The following SPECC1L variants were observed in gnomAD, a reference collection of about 807,000 sequenced individuals.
SPECC1L encodes sperm antigen with calponin homology and coiled-coil domains 1 like.
A neutral mutation model predicts 116.8 loss-of-function variants in SPECC1L; 40 were observed. The ratio of observed to expected loss-of-function variants is 0.34; its 90% CI spans 0.27 to 0.45. The LOEUF (loss-of-function observed/expected upper bound fraction) is 0.45. SPECC1L is among the 20% of genes least tolerant of loss of function. The probability of loss-of-function intolerance (pLI) is 1.00; values close to 1 mark genes in which losing one functional copy is unlikely to be tolerated. For missense variants in SPECC1L, 1,110 were observed against 1,373.6 expected (o/e 0.81, Z 3.03); for synonymous variants, 504 against 500.6 (o/e 1.01, Z -0.09).
intron 12 of SPECC1L, among the ~76,000 whole-genome samples, chr22:24,364,811 G>C (rs1247797663): frequency 6.6e-6 from 1 of 152,150 alleles, no homozygotes; most frequent in Non-Finnish European, 1.5e-5. Context: ...GCAGAGCTGA[G>C]TAGTTACAAG....
intron 14 of SPECC1L, among the ~76,000 whole-genome samples, chr22:24,381,900 A>G (rs1008001625): frequency 2.0e-5 from 3 of 152,212 alleles, no homozygotes; most frequent in African/African-American, 7.2e-5. Context: ...AAACAAAACA[A>G]AAAGCTAATA....
At chr22:24,396,878 G>A (rs2042378831) in intron 14 of SPECC1L, among the ~76,000 whole-genome samples, 1 of 152,168 alleles carries the variant, frequency 6.6e-6, no homozygotes, top group African/African-American at 2.4e-5. Flanking sequence ...CAACTCGTAT[G>A]TAAAACAAAA....
rs1241226184 is a variant in SPECC1L at position 24,416,614 on chromosome 22, A to G, written c.*1991A>G. 1 of 152,060 alleles carries G rather than the reference A, an allele frequency of 6.6e-6. No individual in the cohort carries two copies. Among genetic ancestry groups the G allele is most frequent in the African/African-American group, 2.4e-5 (1 of 41,354 alleles). 9.4% of individuals were successfully genotyped at this position (152,060 alleles called of 1,614,324 possible). A position where few individuals can be genotyped will look rare whatever the true frequency, so the allele number is the denominator to read the frequency against. On this transcript the variant is annotated 3_prime_UTR_variant, in exon 17 of 17. Transcript: ENST00000314328. ...TGTCTGGTCATGGTTTGGTTTATTT[A>G]TTTTGTCCTTCAGGGGCTGTTTTGC...
intron 13 of SPECC1L, among the ~76,000 whole-genome samples, chr22:24,368,727 A>T (rs754964412): frequency 1.3e-5 from 2 of 152,098 alleles, no homozygotes; most frequent in East Asian, 3.8e-4. Context: ...GCTCACTGCA[A>T]CCTCCATCTC....
intron 14 of SPECC1L, among the ~76,000 whole-genome samples, chr22:24,396,343 CTG>C (rs962694560): frequency 6.6e-6 from 1 of 151,748 alleles, no homozygotes; most frequent in Non-Finnish European, 1.5e-5. Context: ...GGGTCTCACT[CTG>C]TCACCCAGGC....
intron 14 of SPECC1L, among the ~76,000 whole-genome samples, chr22:24,386,765 G>A (rs769985665): frequency 1.3e-4 from 19 of 151,976 alleles, no homozygotes; most frequent in Non-Finnish European, 2.2e-4. Flanking sequence ...CACCACACCC[G>A]GCTAATTTTT....
At chr22:24,326,759 T>A (rs2040829947) in intron 6 of SPECC1L, among the ~76,000 whole-genome samples, 1 of 152,164 alleles carries the variant, frequency 6.6e-6, no homozygotes, top group African/African-American at 2.4e-5. Flanking sequence ...ACCTTTTTAT[T>A]TCACAGGACC....
intron 2 of SPECC1L, among the ~76,000 whole-genome samples, chr22:24,283,112 A>G (rs1216837152): frequency 7.2e-6 from 1 of 139,044 alleles, no homozygotes; most frequent in African/African-American, 2.7e-5. Flanking sequence ...GGGGTCTTGT[A>G]CTGCTGCCCA....
chr22:24,293,233 AT>A (rs2049189640), intron 2 of SPECC1L, among the ~76,000 whole-genome samples: 1 of 152,190 alleles, frequency 6.6e-6, no homozygotes, highest in Non-Finnish European at 1.5e-5. Context: ...AGGCAGTCGA[AT>A]CATGAGGTCA....
chr22:24,272,720 A>G (rs527721350), intron 1 of SPECC1L, among the ~76,000 whole-genome samples: 1 of 151,806 alleles, frequency 6.6e-6, no homozygotes, highest in African/African-American at 2.4e-5. Context: ...AAAATAACCA[A>G]ACCAACATAG....
At chr22:24,319,979 C>T (rs992270693) in intron 4 of SPECC1L, among the ~76,000 whole-genome samples, 7 of 152,310 alleles carry the variant, frequency 4.6e-5, no homozygotes, top group African/African-American at 9.6e-5. Context: ...CCTGTAAGTG[C>T]GGTGGCTCAC....
At chr22:24,359,419 A>G (rs2041599312) in intron 11 of SPECC1L, among the ~76,000 whole-genome samples, 1 of 151,986 alleles carries the variant, frequency 6.6e-6, no homozygotes, top group Admixed American at 6.6e-5. Flanking sequence ...TCTCAAATTA[A>G]ATGTGTTCAC....
chr22:24,318,008 G>T (rs2040635382), intron 4 of SPECC1L, among the ~76,000 whole-genome samples: 1 of 151,578 alleles, frequency 6.6e-6, no homozygotes, highest in East Asian at 2.0e-4. Flanking sequence ...TGGGATGGCG[G>T]CTGGGCAGAG....
Position 24,321,628 on chromosome 22 carries a change from T to A in SPECC1L, c.648T>A (p.Asn216Lys), listed in dbSNP as rs200610164. Residue 216 changes from asparagine (N) to lysine (K), a missense_variant, in exon 5 of 17, where the codon AAT becomes AAA. Transcript: ENST00000314328. Reference sequence around the variant, plus strand: ...ACATGCGTGCCCAGCTGGGCATTAATGAGGATCATTCTGAGGGTGATGAAA... The same window carrying A: ...ACATGCGTGCCCAGCTGGGCATTAAAGAGGATCATTCTGAGGGTGATGAAA... ...LRDMRAQLGI[N>K]EDHSEGDEKS... 7.4e-6 allele frequency: 12 copies of A among 1,614,204 alleles called. No homozygotes were observed. In the Admixed American group the frequency reaches 1.0e-4, roughly 13 times the overall value.
chr22:24,320,274 A>C (rs1050793067), intron 4 of SPECC1L, among the ~76,000 whole-genome samples: 1 of 152,196 alleles, frequency 6.6e-6, no homozygotes, highest in Non-Finnish European at 1.5e-5. Context: ...GAGAGACTCC[A>C]TCTCAAAAAA....
At chr22:24,379,013 T>A (rs1175261110) in intron 14 of SPECC1L, among the ~76,000 whole-genome samples, 1 of 152,154 alleles carries the variant, frequency 6.6e-6, no homozygotes, top group Non-Finnish European at 1.5e-5. Context: ...CACAAGAAGA[T>A]GAAGTACCAT....
intron 14 of SPECC1L, among the ~76,000 whole-genome samples, chr22:24,403,625 G>A (rs1377440839): frequency 6.6e-6 from 1 of 152,116 alleles, no homozygotes; most frequent in Admixed American, 6.5e-5. Context: ...CAGCCCCTCC[G>A]CTCTTCAGCA....
chr22:24,328,898 G>A lies in SPECC1L; in HGVS notation c.2199G>A (p.Lys733=). The A allele has an allele frequency of 6.2e-7, 1 of 1,613,656 alleles. No homozygotes were observed. The highest frequency in any genetic ancestry group is 2.2e-5 in the East Asian group (1 of 44,806). ...AGCACGACATGGAAAGAGAAATAAAGACACTCCACAGAAGACTTCGGGTAG... is the reference window on the plus strand; with the variant it reads ...AGCACGACATGGAAAGAGAAATAAAAACACTCCACAGAAGACTTCGGGTAG... The part of the protein sequence containing the change: ...DQKHDMEREI[K]TLHRRLREES... The change falls in exon 7 of 17, where the codon AAG becomes AAA. Residue 733 remains lysine, a synonymous_variant. Transcript: ENST00000314328.
chr22:24,280,546 A>G (rs1416144545), intron 2 of SPECC1L, among the ~76,000 whole-genome samples: 6 of 150,318 alleles, frequency 4.0e-5, no homozygotes, highest in South Asian at 2.1e-4. Flanking sequence ...GCCACTACAG[A>G]TGTGAATGAA....
Sources: gnomAD v4.1 joint callset for allele counts (sites outside exome capture counted in the v4.1 genomes callset) on GRCh38, gnomAD v4.1.1 for gene constraint, MANE v1.5 for transcripts, NCBI Gene and HGNC (gene_info 2026-07-23, HGNC 2026-07-21) for gene names.